PHF21B: variants seen among roughly 807,000 people sequenced by gnomAD.
PHF21B encodes the protein PHD finger protein 21B, also known as PHD finger protein 4.
In PHF21B, 22 loss-of-function variants were observed where a neutral mutation model predicts 62.2. The ratio of observed to expected loss-of-function variants is 0.35; its 90% CI spans 0.25 to 0.51. The LOEUF (loss-of-function observed/expected upper bound fraction) is 0.51. PHF21B is among the 20% of genes least tolerant of loss of function. The pLI is 0.97. For synonymous variants in PHF21B, 341 were observed against 314.7 expected, an observed-to-expected ratio of 1.08 and a Z score of -0.88; for missense variants, 701 against 707.9, an observed-to-expected ratio of 0.99 and a Z score of 0.11.
At chr22:44,892,159 C>T (rs1292132145) in intron 7 of PHF21B, among the ~76,000 whole-genome samples, 1 of 152,196 alleles carries the variant, frequency 6.6e-6, no homozygotes, top group Non-Finnish European at 1.5e-5. Context: ...TGAAGCCCTC[C>T]CTGTCTGGAG....
intron 2 of PHF21B, among the ~76,000 whole-genome samples, chr22:44,993,415 C>T (rs1403245888): frequency 6.6e-6 from 1 of 152,220 alleles, no homozygotes; most frequent in African/African-American, 2.4e-5. Flanking sequence ...TCCACCACAG[C>T]GGCACCGGCT....
intron 2 of PHF21B, among the ~76,000 whole-genome samples, chr22:44,991,567 T>C (rs1224326760): frequency 6.6e-6 from 1 of 151,894 alleles, no homozygotes; most frequent in East Asian, 1.9e-4. Flanking sequence ...TCCCCCTAGA[T>C]GGTGAGTGAT....
chr22:44,982,074 A>C (rs1010165896), intron 2 of PHF21B, among the ~76,000 whole-genome samples: 3 of 152,344 alleles, frequency 2.0e-5, no homozygotes, highest in Admixed American at 1.3e-4. Context: ...GTGGCGGTGG[A>C]AACAGCGCTG....
At chr22:44,975,875 A>T (rs2072728997) in intron 2 of PHF21B, among the ~76,000 whole-genome samples, 1 of 152,254 alleles carries the variant, frequency 6.6e-6, no homozygotes, top group South Asian at 2.1e-4. Context: ...AACCTATTTT[A>T]AAAATTTTGG....
chr22:44,921,686 A>G (rs2071540722), intron 2 of PHF21B, among the ~76,000 whole-genome samples: 1 of 142,964 alleles, frequency 7.0e-6, no homozygotes, highest in African/African-American at 2.7e-5. Flanking sequence ...TCAGATGGAG[A>G]CTCGCTCTGT....
chr22:44,890,547 A>T (rs2070944902), intron 8 of PHF21B, among the ~76,000 whole-genome samples: 2 of 152,158 alleles, frequency 1.3e-5, no homozygotes, highest in Admixed American at 6.5e-5. Context: ...AGATCAGTAA[A>T]CCAAGGCCCA....
chr22:44,970,728 C>T (rs796808144), intron 2 of PHF21B, among the ~76,000 whole-genome samples: 29 of 152,298 alleles, frequency 1.9e-4, no homozygotes, highest in African/African-American at 6.7e-4. Context: ...CCTCCAGCCT[C>T]ACTTCTCAGG....
chr22:44,934,475 A>G (rs919964269), intron 2 of PHF21B, among the ~76,000 whole-genome samples: 3 of 152,146 alleles, frequency 2.0e-5, no homozygotes, highest in African/African-American at 4.8e-5. Context: ...TCCCAGGCAG[A>G]GAGGGACAGT....
chr22:45,001,520 C>A (rs1170596067), intron 2 of PHF21B, among the ~76,000 whole-genome samples: 3 of 152,216 alleles, frequency 2.0e-5, no homozygotes, highest in African/African-American at 7.2e-5. Flanking sequence ...TGGGCCTCGA[C>A]AGGTGACTGT....
At chr22:44,970,315 G>A (rs1050842175) in intron 2 of PHF21B, among the ~76,000 whole-genome samples, 3 of 152,208 alleles carry the variant, frequency 2.0e-5, no homozygotes, top group African/African-American at 7.2e-5. Flanking sequence ...ATTTTTATAG[G>A]CTCGAGATTC....
chr22:44,936,263 T>C (rs770939816), intron 2 of PHF21B, among the ~76,000 whole-genome samples: 6 of 152,174 alleles, frequency 3.9e-5, no homozygotes, highest in Non-Finnish European at 4.4e-5. Context: ...TCCCTGGCCA[T>C]GTCCAGTGGA....
chr22:44,955,085 G>A (rs1569252198), intron 2 of PHF21B, among the ~76,000 whole-genome samples: 1 of 152,186 alleles, frequency 6.6e-6, no homozygotes, highest in Non-Finnish European at 1.5e-5. Flanking sequence ...CCAGCCTGAG[G>A]GGGCAGAGGG....
chr22:44,962,284 T>A lies in PHF21B; in HGVS notation c.121-41794A>T, dbSNP rs934571914. Among the ~76,000 whole-genome samples, 9 of 152,332 alleles carry A rather than the reference T, an allele frequency of 5.9e-5. 1 individual carries two copies. Reference sequence around the variant, plus strand: ...AGCCTCACATAACTTTTTAATGATCTGTAGATGTGCCTCAACTTACGATGA... The same window carrying A: ...AGCCTCACATAACTTTTTAATGATCAGTAGATGTGCCTCAACTTACGATGA... On this transcript the variant is annotated intron_variant, in intron 2 of 12. Transcript: ENST00000313237.
chr22:44,936,495 G>A (rs987197720), intron 2 of PHF21B, among the ~76,000 whole-genome samples: 8 of 152,128 alleles, frequency 5.3e-5, no homozygotes, highest in Non-Finnish European at 1.2e-4. Flanking sequence ...TGGATGCCTC[G>A]CTGCCCACTC....
intron 2 of PHF21B, among the ~76,000 whole-genome samples, chr22:44,984,941 G>C (rs1278807700): frequency 1.3e-5 from 2 of 152,160 alleles, no homozygotes; most frequent in African/African-American, 4.8e-5. Flanking sequence ...GGAGGTACTA[G>C]CCCCTGGAAA....
At chr22:44,945,233 G>A (rs540333594) in intron 2 of PHF21B, among the ~76,000 whole-genome samples, 1 of 152,320 alleles carries the variant, frequency 6.6e-6, no homozygotes, top group East Asian at 1.9e-4. Context: ...GTGTTGGGAG[G>A]CCCATGGGCA....
At chr22:44,990,749 G>A (rs2073030020) in intron 2 of PHF21B, among the ~76,000 whole-genome samples, 1 of 152,352 alleles carries the variant, frequency 6.6e-6, no homozygotes, top group South Asian at 2.1e-4. Flanking sequence ...GAGATGGATG[G>A]TGGTGACGAC....
intron 2 of PHF21B, among the ~76,000 whole-genome samples, chr22:44,982,248 G>C (rs1261608258): frequency 6.6e-6 from 1 of 152,238 alleles, no homozygotes; most frequent in Non-Finnish European, 1.5e-5. Flanking sequence ...CTCACTGCAG[G>C]AGTGAATGAG....
intron 2 of PHF21B, chr22:44,970,819 G>A (rs986647849): frequency 2.0e-5 from 3 of 152,202 alleles, no homozygotes; most frequent in African/African-American, 7.2e-5. Flanking sequence ...AAGTGGCGAG[G>A]GACACAGTCT....
Sources: allele counts gnomAD v4.1 joint callset (sites outside exome capture counted in the v4.1 genomes callset), GRCh38; gene constraint gnomAD v4.1.1; transcripts MANE v1.5; gene names NCBI Gene and HGNC (gene_info 2026-07-23, HGNC 2026-07-21).